The following RNF150 variants were observed in gnomAD, a reference collection of about 807,000 sequenced individuals.
RNF150 encodes the protein ring finger protein 150.
RNF150 carries 24 observed loss-of-function variants against 39.3 expected under a neutral mutation model. The ratio of observed to expected loss-of-function variants is 0.61; its 90% CI spans 0.44 to 0.86. RNF150 has a LOEUF of 0.86. Ranked by LOEUF, RNF150 falls within the 40% of genes least tolerant of loss-of-function variation. The probability of loss-of-function intolerance (pLI) is 0.00; values close to 1 mark genes in which losing one functional copy is unlikely to be tolerated. For synonymous variants in RNF150, 255 were observed against 227.3 expected (o/e 1.12, Z -1.10); for missense variants, 502 against 587.8 (o/e 0.85, Z 1.51).
chr4:140,983,080 T>C (rs1314194187), intron 1 of RNF150, among the ~76,000 whole-genome samples: 3 of 152,190 alleles, frequency 2.0e-5, no homozygotes, highest in African/African-American at 7.2e-5. Context: ...AATCAGCCTG[T>C]TGAATAGTCA....
At chr4:141,168,969 G>T (rs1727654122) in intron 1 of RNF150, among the ~76,000 whole-genome samples, 1 of 152,022 alleles carries the variant, frequency 6.6e-6, no homozygotes, top group South Asian at 2.1e-4. Context: ...GCCTTTGGGG[G>T]ACTATTGAGA....
intron 1 of RNF150, among the ~76,000 whole-genome samples, chr4:141,043,730 T>A (rs1578663257): frequency 6.6e-6 from 1 of 152,256 alleles, no homozygotes; most frequent in East Asian, 1.9e-4. Context: ...AGTTTCTGAA[T>A]ACAAGGTATT....
intron 6 of RNF150, among the ~76,000 whole-genome samples, chr4:140,868,897 A>G (rs1728823635): frequency 6.6e-6 from 1 of 152,166 alleles, no homozygotes; most frequent in Non-Finnish European, 1.5e-5. Flanking sequence ...AATATAAATG[A>G]CCAATAAATA....
At chr4:141,104,962 T>C (rs1378405726) in intron 1 of RNF150, among the ~76,000 whole-genome samples, 1 of 152,154 alleles carries the variant, frequency 6.6e-6, no homozygotes, top group East Asian at 1.9e-4. Context: ...CCTCCAGACA[T>C]TGATTAACCC....
intron 5 of RNF150, among the ~76,000 whole-genome samples, chr4:140,912,566 A>G (rs958387438): frequency 6.6e-6 from 1 of 152,164 alleles, no homozygotes; most frequent in Non-Finnish European, 1.5e-5. Context: ...AGGGAACACA[A>G]AGCAAGACAT....
At chr4:140,885,949 G>C (rs999333003) in intron 6 of RNF150, among the ~76,000 whole-genome samples, 1 of 152,074 alleles carries the variant, frequency 6.6e-6, no homozygotes, top group African/African-American at 2.4e-5. Flanking sequence ...ACATCTCTTT[G>C]GGAGGCCGAG....
intron 4 of RNF150, among the ~76,000 whole-genome samples, chr4:140,931,853 G>T (rs1474367900): frequency 6.6e-6 from 1 of 152,198 alleles, no homozygotes; most frequent in Non-Finnish European, 1.5e-5. Context: ...ACACTTTTTG[G>T]CAGTAATGAC....
At chr4:141,145,728 G>C (rs144157948) in intron 1 of RNF150, among the ~76,000 whole-genome samples, 3 of 152,334 alleles carry the variant, frequency 2.0e-5, no homozygotes, top group Non-Finnish European at 4.4e-5. Flanking sequence ...AAAAGGAATT[G>C]TATCAATTGC....
At chr4:141,100,008 C>T (rs1333126113) in intron 1 of RNF150, among the ~76,000 whole-genome samples, 1 of 152,054 alleles carries the variant, frequency 6.6e-6, no homozygotes, top group Non-Finnish European at 1.5e-5. Context: ...AAAGAGACAT[C>T]GCAAAAGATC....
At chr4:141,026,239 G>A (rs1301466718) in intron 1 of RNF150, among the ~76,000 whole-genome samples, 5 of 152,108 alleles carry the variant, frequency 3.3e-5, no homozygotes, top group Admixed American at 6.5e-5. Flanking sequence ...ACAAGACACA[G>A]GAATCCCCAG....
At chr4:141,067,445 T>G (rs1737505641) in intron 1 of RNF150, among the ~76,000 whole-genome samples, 1 of 152,186 alleles carries the variant, frequency 6.6e-6, no homozygotes, top group Non-Finnish European at 1.5e-5. Flanking sequence ...TTCCTTGGAC[T>G]CATCAAATGA....
At chr4:141,148,820 A>C (rs1727246540) in intron 1 of RNF150, among the ~76,000 whole-genome samples, 1 of 151,990 alleles carries the variant, frequency 6.6e-6, no homozygotes, top group Non-Finnish European at 1.5e-5. Context: ...TCCATTTTCA[A>C]ATTTTTGGTC....
intron 1 of RNF150, among the ~76,000 whole-genome samples, chr4:141,039,585 T>C (rs1312835785): frequency 1.3e-5 from 2 of 152,102 alleles, no homozygotes; most frequent in Non-Finnish European, 2.9e-5. Flanking sequence ...TAAAAATTCC[T>C]AAAATCTGCA....
At chr4:140,995,631 A>G (rs558084437) in intron 1 of RNF150, among the ~76,000 whole-genome samples, 86 of 151,930 alleles carry the variant, frequency 5.7e-4, no homozygotes, top group Non-Finnish European at 1.2e-3. Flanking sequence ...TGGTGTCTGA[A>G]CCCTGCCTCT....
chr4:140,901,949 G>A lies in RNF150; in HGVS notation c.1198+9195C>T, dbSNP rs151186106. On this transcript the variant is annotated intron_variant, in intron 6 of 6. Coordinates refer to ENST00000515673, the MANE Select transcript of RNF150 (RefSeq NM_020724.2). ...ATGCTTCTGTGTAAAGAGCCAGATG[G>A]GAGTGGGGAAGAGGCAGGGAGAAAG... Among the ~76,000 whole-genome samples, 784 of 152,302 alleles carry A rather than the reference G, an allele frequency of 5.1e-3. 7 individuals carry two copies. Among genetic ancestry groups the A allele is most frequent in the African/African-American group, 0.018 (743 of 41,546 alleles).
chr4:140,965,024 G>A (rs2111415716), intron 2 of RNF150, among the ~76,000 whole-genome samples: 1 of 152,064 alleles, frequency 6.6e-6, no homozygotes, highest in South Asian at 2.1e-4. Flanking sequence ...AATAATGTCA[G>A]CTCTCTACTT....
intron 4 of RNF150, among the ~76,000 whole-genome samples, chr4:140,927,070 A>AT (rs1190868840): frequency 7.9e-5 from 12 of 152,080 alleles, no homozygotes; most frequent in African/African-American, 2.9e-4. Flanking sequence ...CAAAAACCTC[A>AT]TTTGCCTTGT....
intron 2 of RNF150, among the ~76,000 whole-genome samples, chr4:140,962,873 T>C (rs1347575589): frequency 6.6e-6 from 1 of 151,970 alleles, no homozygotes; most frequent in Non-Finnish European, 1.5e-5. Flanking sequence ...TTCACTACTA[T>C]GTGGCCATAA....
intron 1 of RNF150, among the ~76,000 whole-genome samples, chr4:141,170,207 A>C (rs1727686549): frequency 6.6e-6 from 1 of 152,188 alleles, no homozygotes; most frequent in Non-Finnish European, 1.5e-5. Context: ...CATTATTATA[A>C]ATATTTGTAA....
Sources: gnomAD v4.1 joint callset for allele counts (sites outside exome capture counted in the v4.1 genomes callset) on GRCh38, gnomAD v4.1.1 for gene constraint, MANE v1.5 for transcripts, NCBI Gene and HGNC (gene_info 2026-07-23, HGNC 2026-07-21) for gene names.